The following ADAMTS16 variants were observed in gnomAD, a reference collection of about 807,000 sequenced individuals.
ADAMTS16 encodes A disintegrin and metalloproteinase with thrombospondin motifs 16.
Under a neutral mutation model 145.8 loss-of-function variants are expected in ADAMTS16, and 94 were observed. That is an observed-to-expected ratio of 0.64 (90% CI 0.55 to 0.77). The LOEUF (loss-of-function observed/expected upper bound fraction) is 0.77, where lower values mean the gene tolerates loss of function less well. Ranked by LOEUF, ADAMTS16 falls within the 30% of genes least tolerant of loss-of-function variation. ADAMTS16 has a pLI of 0.00. For missense variants in ADAMTS16, 1,585 were observed against 1,591.5 expected (o/e 1.00, Z 0.07); for synonymous variants, 659 against 604.3 (o/e 1.09, Z -1.33).
intron 21 of ADAMTS16, among the ~76,000 whole-genome samples, chr5:5,316,871 C>T (rs545058120): frequency 1.3e-5 from 2 of 152,206 alleles, no homozygotes; most frequent in Non-Finnish European, 2.9e-5. Context: ...TTCTTTCACG[C>T]TAGGCTCAGA....
intron 18 of ADAMTS16, among the ~76,000 whole-genome samples, chr5:5,299,663 G>A (rs1044437521): frequency 1.3e-5 from 2 of 152,172 alleles, no homozygotes; most frequent in Non-Finnish European, 2.9e-5. Context: ...CACTTTCTGG[G>A]TAGTGTTGAG....
In ADAMTS16 at chr5:5,235,138, C is replaced by A; in HGVS notation, c.1975C>A (p.Arg659=). The A allele has an allele frequency of 6.3e-7, 1 of 1,594,986 alleles. No individual in the cohort carries two copies. Among genetic ancestry groups the A allele is most frequent in the Non-Finnish European group, 8.6e-7 (1 of 1,164,566 alleles). Residue 659 remains arginine, a synonymous_variant, in exon 13 of 23, where the codon CGA becomes AGA. Transcript: ENST00000274181. ...TCAGTGTGCCGAGCACAACAGCAGA[C>A]GATTCAGAGGGCGGCACTACAAGTG... ...AAQCAEHNSR[R]FRGRHYKWKP... is the part of the protein sequence containing the mutation.
intron 17 of ADAMTS16, among the ~76,000 whole-genome samples, chr5:5,260,044 A>C (rs1351696123): frequency 6.6e-6 from 1 of 152,180 alleles, no homozygotes; most frequent in East Asian, 1.9e-4. Context: ...CTACAGACTT[A>C]CCAGAGTGCT....
At chr5:5,217,838 T>A (rs1465592162) in intron 10 of ADAMTS16, among the ~76,000 whole-genome samples, 1 of 152,228 alleles carries the variant, frequency 6.6e-6, no homozygotes, top group Non-Finnish European at 1.5e-5. Context: ...TATTTGTTAT[T>A]AAAAACATTT....
At chr5:5,230,138 A>T (rs1736882490) in intron 11 of ADAMTS16, among the ~76,000 whole-genome samples, 1 of 152,208 alleles carries the variant, frequency 6.6e-6, no homozygotes, top group Non-Finnish European at 1.5e-5. Context: ...GTTCAATGGC[A>T]CCACAGAGAT....
intron 21 of ADAMTS16, among the ~76,000 whole-genome samples, chr5:5,315,396 T>C (rs184925015): frequency 6.6e-6 from 1 of 151,546 alleles, no homozygotes. Context: ...AGTGAATCAG[T>C]GACAAAAATG....
chr5:5,250,652 T>A (rs1215738323), intron 17 of ADAMTS16, among the ~76,000 whole-genome samples: 1 of 151,672 alleles, frequency 6.6e-6, no homozygotes, highest in Non-Finnish European at 1.5e-5. Context: ...ACTTCTATTC[T>A]GCCTTCTGCT....
At chr5:5,204,962 T>C (rs1736053118) in intron 9 of ADAMTS16, among the ~76,000 whole-genome samples, 1 of 152,238 alleles carries the variant, frequency 6.6e-6, no homozygotes, top group South Asian at 2.1e-4. Flanking sequence ...ATCTGGTGGG[T>C]GTGTAGTTTC....
At chr5:5,290,401 T>C (rs930576938) in intron 18 of ADAMTS16, among the ~76,000 whole-genome samples, 1 of 152,182 alleles carries the variant, frequency 6.6e-6, no homozygotes, top group African/African-American at 2.4e-5. Flanking sequence ...ATGCGTGTAA[T>C]CCCAGCACTT....
At chr5:5,209,010 T>C in intron 9 of ADAMTS16, 83 bp from the exon 10 acceptor site, 1 of 1,449,382 alleles carries the variant, frequency 6.9e-7, no homozygotes, top group South Asian at 1.4e-5. Flanking sequence ...TAAAATTACA[T>C]GGGGGAGAAA....
rs146124422 is a variant in ADAMTS16, at chr5:5,300,129, G to A, written c.2790-3139G>A. Among the ~76,000 whole-genome samples the A allele has an allele frequency of 2.6e-3, 397 of 152,300 alleles. 1 individual carries two copies. Among genetic ancestry groups the A allele is most frequent in the Non-Finnish European group, 4.3e-3 (291 of 68,034 alleles). On this transcript the variant is annotated intron_variant, in intron 18 of 22. Coordinates refer to ENST00000274181, the MANE Select transcript of ADAMTS16 (RefSeq NM_139056.4). The stretch of plus-strand genomic sequence containing the variant: ...AGATGGTGGAGACAGAAGACTTAAC[G>A]AGGCGGTGTGAAAAGCTCTTGAGCA...
intron 8 of ADAMTS16, among the ~76,000 whole-genome samples, chr5:5,199,096 T>G (rs796110096): frequency 1.3e-5 from 2 of 152,252 alleles, no homozygotes; most frequent in South Asian, 2.1e-4. Context: ...GGAAGTATGT[T>G]GTGTTCTTCT....
rs1427546666 is a variant in ADAMTS16, at chr5:5,182,180, C to T, written c.638C>T (p.Ala213Val). ...VLYKRSTEPHAPGASEVLVTS... is the reference protein window; with the variant it reads ...VLYKRSTEPHVPGASEVLVTS... ...TACAAGAGATCCACAGAGCCCCATGCTCCTGGGGCCAGTGAGGTCCTGGTG... is the reference window on the plus strand; with the variant it reads ...TACAAGAGATCCACAGAGCCCCATGTTCCTGGGGCCAGTGAGGTCCTGGTG... The change falls in exon 4 of 23, where the codon GCT becomes GTT. Residue 213 changes from alanine (A) to valine (V), a missense_variant. Ala to Val is a moderately conservative substitution (Grantham distance 64). This residue lies in a region of ADAMTS16 where 453 missense variants were observed against 412.1 expected (regional missense o/e 1.10). Transcript: ENST00000274181. 3 of 1,614,082 alleles carry T rather than the reference C, an allele frequency of 1.9e-6. No individual in the cohort carries two copies. Among genetic ancestry groups the T allele is most frequent in the South Asian group, 1.1e-5 (1 of 91,092 alleles).
intron 7 of ADAMTS16, 98 bp from the exon 8 acceptor site, chr5:5,191,587 A>T: frequency 1.0e-6 from 1 of 989,038 alleles, no homozygotes; most frequent in South Asian, 1.4e-5. Flanking sequence ...CCATATGAAC[A>T]TAAGAACTAA....
rs558375992 is a variant in ADAMTS16 at position 5,227,258 on chromosome 5, C to T, written c.1701+4374C>T. 5.9e-5 allele frequency among the ~76,000 whole-genome samples: 9 copies of T among 152,318 alleles called. No homozygotes were observed. In the South Asian group the frequency reaches 1.2e-3, roughly 21 times the overall value. ...CTGCATCTACTGCGTTTAGGTGTGACGTGCTTATTTTGTGAACAGTAATCG... is the reference window on the plus strand; with the variant it reads ...CTGCATCTACTGCGTTTAGGTGTGATGTGCTTATTTTGTGAACAGTAATCG... On this transcript the variant is annotated intron_variant, in intron 11 of 22. Coordinates refer to ENST00000274181, the MANE Select transcript of ADAMTS16 (RefSeq NM_139056.4).
Position 5,307,811 on chromosome 5 carries a change from C to T in ADAMTS16, c.3411+1083C>T, listed in dbSNP as rs967346499. 5.3e-5 allele frequency among the ~76,000 whole-genome samples: 8 copies of T among 152,286 alleles called. No homozygotes were observed. In the East Asian group the frequency reaches 1.4e-3, roughly 26 times the overall value. On this transcript the variant is annotated intron_variant, in intron 21 of 22. Transcript: ENST00000274181. Reference sequence around the variant, plus strand: ...GCTCACCTGCTCGATGGGGTCCACACGTGTCATTTGGCTTTGGAGAATAGT... The same window carrying T: ...GCTCACCTGCTCGATGGGGTCCACATGTGTCATTTGGCTTTGGAGAATAGT...
chr5:5,311,738 GT>G (rs1001718336), intron 21 of ADAMTS16, among the ~76,000 whole-genome samples: 8 of 147,232 alleles, frequency 5.4e-5, no homozygotes, highest in African/African-American at 1.7e-4. Flanking sequence ...TTTTTTGGTT[GT>G]TTTTTTTTTG....
In ADAMTS16 at chr5:5,178,384, T is replaced by C. The variant is rs939877576; in HGVS notation, c.502-3660T>C. Among the ~76,000 whole-genome samples, 13 of 152,208 alleles carry C rather than the reference T, an allele frequency of 8.5e-5. No individual in the cohort carries two copies. In the East Asian group the frequency reaches 2.5e-3, roughly 29 times the overall value. On this transcript the variant is annotated intron_variant, in intron 3 of 22. Transcript: ENST00000274181. ...TGGTTACTGTGAGCTACAGGCAGGT[T>C]CCCCTAGACATTTTGAGTTTCCAAA... is the stretch of plus-strand genomic sequence containing the variant.
intron 11 of ADAMTS16, 60 bp downstream of exon 11, chr5:5,222,944 T>C: frequency 6.8e-7 from 1 of 1,468,714 alleles, no homozygotes; most frequent in South Asian, 1.1e-5. Flanking sequence ...AACCCATGCA[T>C]CTTTGCTCCT....
Sources: allele counts gnomAD v4.1 joint callset (sites outside exome capture counted in the v4.1 genomes callset), GRCh38; gene constraint gnomAD v4.1.1; regional missense constraint gnomAD v4.1.1; transcripts MANE v1.5; gene names NCBI Gene and HGNC (gene_info 2026-07-23, HGNC 2026-07-21).